The following RECK variants were observed in gnomAD, a reference collection of about 807,000 sequenced individuals.
RECK encodes reversion inducing cysteine rich protein with kazal motifs, also known as reversion-inducing cysteine-rich protein with Kazal motifs.
In RECK, 69 loss-of-function variants were observed where a neutral mutation model predicts 115.1. The ratio of observed to expected loss-of-function variants is 0.60; its 90% CI spans 0.49 to 0.73. RECK has a LOEUF of 0.73. RECK is among the 30% of genes least tolerant of loss of function. RECK has a pLI of 0.00. For synonymous variants in RECK, 414 were observed against 419.7 expected (o/e 0.99, Z 0.17); for missense variants, 1,047 against 1,203.7 (o/e 0.87, Z 1.93).
chr9:36,073,151 A>G (rs972858559), intron 6 of RECK, among the ~76,000 whole-genome samples: 13 of 151,514 alleles, frequency 8.6e-5, no homozygotes, highest in African/African-American at 3.2e-4. Flanking sequence ...AATCAACCAA[A>G]TTGATTATTA....
intron 10 of RECK, among the ~76,000 whole-genome samples, chr9:36,092,323 T>C (rs1823188496): frequency 6.6e-6 from 1 of 152,028 alleles, no homozygotes; most frequent in South Asian, 2.1e-4. Context: ...AAAAGAACAA[T>C]TGTTTTGAAG....
At chr9:36,038,179 G>A (rs1017028929) in intron 1 of RECK, among the ~76,000 whole-genome samples, 8 of 151,956 alleles carry the variant, frequency 5.3e-5, no homozygotes, top group Non-Finnish European at 8.8e-5. Flanking sequence ...CGGGCATGGT[G>A]GTGTATGCCT....
chr9:36,075,384 CA>C (rs202143288), intron 6 of RECK, among the ~76,000 whole-genome samples: 2,408 of 152,272 alleles, frequency 0.016, 48 homozygotes, highest in East Asian at 0.061. Context: ...TTTTTCTGAG[CA>C]GTCTAGACCT....
intron 1 of RECK, among the ~76,000 whole-genome samples, chr9:36,044,890 A>G (rs138473339): frequency 6.6e-6 from 1 of 152,164 alleles, no homozygotes; most frequent in African/African-American, 2.4e-5. Context: ...AAATTTTAGA[A>G]TTGGAATAGC....
At chr9:36,109,861 T>C in intron 14 of RECK, 96 bp from the exon 15 acceptor site, 1 of 1,251,802 alleles carries the variant, frequency 8.0e-7, no homozygotes, top group South Asian at 1.4e-5. Context: ...AAAAAGGAAT[T>C]TCCATTTTAA....
At chr9:36,112,916 T>G (rs1824119238) in intron 16 of RECK, among the ~76,000 whole-genome samples, 1 of 152,126 alleles carries the variant, frequency 6.6e-6, no homozygotes. Context: ...AAAGGTAACA[T>G]AAGGAGAGGT....
chr9:36,079,904 A>G (rs976630361), intron 6 of RECK, among the ~76,000 whole-genome samples: 1 of 152,134 alleles, frequency 6.6e-6, no homozygotes, highest in African/African-American at 2.4e-5. Context: ...TTTCTGAACA[A>G]TAATCTAAGC....
At chr9:36,072,985 T>C (rs1360363464) in intron 6 of RECK, among the ~76,000 whole-genome samples, 3 of 152,024 alleles carry the variant, frequency 2.0e-5, no homozygotes, top group Admixed American at 1.3e-4. Flanking sequence ...TTAAGCAATC[T>C]CATCTCCCAT....
intron 10 of RECK, among the ~76,000 whole-genome samples, chr9:36,099,150 C>T (rs1243977698): frequency 1.3e-5 from 2 of 151,882 alleles, no homozygotes; most frequent in Non-Finnish European, 2.9e-5. Context: ...CACCTGAGCC[C>T]ACAAGGTCGA....
chr9:36,082,532 T>C (rs1822764290), intron 7 of RECK, among the ~76,000 whole-genome samples: 2 of 152,160 alleles, frequency 1.3e-5, no homozygotes, highest in Non-Finnish European at 2.9e-5. Flanking sequence ...CTCCCTTAGA[T>C]TCCTGTGAGG....
intron 12 of RECK, among the ~76,000 whole-genome samples, chr9:36,104,020 C>T (rs1823661384): frequency 6.6e-6 from 1 of 151,938 alleles, no homozygotes. Context: ...TTAAATATCA[C>T]ACATGGTTTC....
At chr9:36,045,194 G>A (rs951049759) in intron 1 of RECK, among the ~76,000 whole-genome samples, 8 of 152,092 alleles carry the variant, frequency 5.3e-5, no homozygotes, top group East Asian at 1.9e-4. Flanking sequence ...ACTATTTGGC[G>A]CTTCCTTGGC....
At chr9:36,061,218 A>G (rs1403575536) in intron 4 of RECK, among the ~76,000 whole-genome samples, 4 of 151,918 alleles carry the variant, frequency 2.6e-5, no homozygotes, top group Non-Finnish European at 5.9e-5. Flanking sequence ...CCAGCCCTGG[A>G]TAGAGCTAAT....
chr9:36,096,453 C>G (rs1263573995), intron 10 of RECK, among the ~76,000 whole-genome samples: 1 of 152,052 alleles, frequency 6.6e-6, no homozygotes, highest in African/African-American at 2.4e-5. Context: ...AGGAGAATCG[C>G]TTGAACCCGG....
chr9:36,105,017 G>A (rs1024928667), intron 12 of RECK, 126 bp from the exon 13 acceptor site: 6 of 636,520 alleles, frequency 9.4e-6, no homozygotes, highest in Non-Finnish European at 1.6e-5. Flanking sequence ...TAATAGCTTG[G>A]TAGAATCAGG....
At chr9:36,092,955 C>G (rs1254006118) in intron 10 of RECK, among the ~76,000 whole-genome samples, 1 of 152,120 alleles carries the variant, frequency 6.6e-6, no homozygotes, top group African/African-American at 2.4e-5. Flanking sequence ...TTGGCTGACT[C>G]CTAAATTGTA....
chr9:36,048,680 T>A (rs1038381742), intron 1 of RECK, among the ~76,000 whole-genome samples: 1 of 152,230 alleles, frequency 6.6e-6, no homozygotes, highest in Non-Finnish European at 1.5e-5. Flanking sequence ...GGTGGTAACC[T>A]GGGTGAAGTT....
intron 12 of RECK, among the ~76,000 whole-genome samples, chr9:36,104,304 A>G (rs1223947690): frequency 0.014 from 771 of 54,096 alleles, 31 homozygotes; most frequent in African/African-American, 0.076. Flanking sequence ...ATATATATAT[A>G]TATATATATA....
chr9:36,117,437 G>T (rs1251119748), intron 17 of RECK, among the ~76,000 whole-genome samples: 1 of 152,164 alleles, frequency 6.6e-6, no homozygotes, highest in Non-Finnish European at 1.5e-5. Flanking sequence ...CCTAGGAAAA[G>T]AACTTAAAAG....
Sources: allele counts gnomAD v4.1 joint callset (sites outside exome capture counted in the v4.1 genomes callset), GRCh38; gene constraint gnomAD v4.1.1; transcripts MANE v1.5; gene names NCBI Gene and HGNC (gene_info 2026-07-23, HGNC 2026-07-21).